Variants in POU3F2 observed in about 807,000 individuals in gnomAD.
POU3F2 encodes POU domain, class 3, transcription factor 2.
Under a neutral mutation model 33.1 loss-of-function variants are expected in POU3F2, and 11 were observed. The ratio of observed to expected loss-of-function variants is 0.33; its 90% confidence interval spans 0.21 to 0.55. The LOEUF is 0.55. Ranked by LOEUF, POU3F2 falls within the 20% of genes least tolerant of loss-of-function variation. The probability of loss-of-function intolerance (pLI) is 0.91; values close to 1 mark genes in which losing one functional copy is unlikely to be tolerated. For missense variants in POU3F2, 456 were observed against 620.2 expected (o/e 0.74, Z 2.81); for synonymous variants, 332 against 289.6 (o/e 1.15, Z -1.49).
rs773185617 is a variant in POU3F2, at chr6:98,835,495, G to A, written c.622G>A (p.Ala208Thr). The change falls in exon 1 of 1, where the codon GCC (alanine) becomes ACC (threonine). Residue 208 changes from alanine to threonine, a missense_variant. This residue lies in a region of POU3F2 where 341 missense variants were observed against 382.4 expected (regional missense o/e 0.89). Coordinates refer to ENST00000328345, the MANE Select transcript of POU3F2 (RefSeq NM_005604.4). This position sits in a 1 kb window ranked among gnomAD's most constrained non-coding sequence, Gnocchi z 9.7. ...NGMLGAGGQP[A>T]GLHHHGLRDA... ...CATGCTGGGCGCCGGCGGGCAGCCGGCCGGTCTGCACCACCACGGCCTGCG... is the reference window on the plus strand; with the variant it reads ...CATGCTGGGCGCCGGCGGGCAGCCGACCGGTCTGCACCACCACGGCCTGCG... The A allele has an allele frequency of 1.3e-6, 2 of 1,563,506 alleles. No individual in the cohort carries two copies. Among genetic ancestry groups the A allele is most frequent in the South Asian group, 2.3e-5 (2 of 86,298 alleles).
chr6:98,835,029 ACACCCGC>A lies in POU3F2; in HGVS notation c.157_163del (p.His53SerfsTer143). 1 of 1,543,406 alleles carries A rather than the reference ACACCCGC, an allele frequency of 6.5e-7. No individual in the cohort carries two copies. Among genetic ancestry groups the A allele is most frequent in the Non-Finnish European group, 8.7e-7 (1 of 1,151,712 alleles). ...ACTACGGCGCTCTGCAGAGCAACGG[ACACCCGC>A]TCAGCCACGCTCACCAGTGGATCAC... On this transcript the variant is annotated frameshift_variant, in exon 1 of 1. Coordinates refer to ENST00000328345, the MANE Select transcript of POU3F2 (RefSeq NM_005604.4). LOFTEE classifies it high-confidence loss of function. This position sits in a 1 kb window ranked among gnomAD's most constrained non-coding sequence, Gnocchi z 9.7.
Position 98,836,435 on chromosome 6 carries a change from G to A in POU3F2, c.*230G>A. On this transcript the variant is annotated 3_prime_UTR_variant, in exon 1 of 1. Coordinates refer to ENST00000328345, the MANE Select transcript of POU3F2 (RefSeq NM_005604.4). ...ATGATGTGTTTTGACCTTTGCAGGC[G>A]AGTAACCAGGCAATGGAGTGGAGTG... 1 of 509,834 alleles carries A rather than the reference G, an allele frequency of 2.0e-6. No individual in the cohort carries two copies. Among genetic ancestry groups the A allele is most frequent in the Non-Finnish European group, 3.4e-6 (1 of 294,818 alleles). The allele number at this position is 509,834 out of a possible 1,614,324, so 31.6% of individuals were successfully genotyped here. A position where few individuals can be genotyped will look rare whatever the true frequency, so the allele number is the denominator to read the frequency against.
chr6:98,834,818 T>C lies in POU3F2; in HGVS notation c.-56T>C, dbSNP rs1769966830. 6.4e-7 allele frequency: 1 copy of C among 1,559,742 alleles called. No individual in the cohort carries two copies. The highest frequency in any genetic ancestry group is 8.7e-7 in the Non-Finnish European group (1 of 1,156,000). On this transcript the variant is annotated 5_prime_UTR_variant, in exon 1 of 1. Transcript: ENST00000328345. ...GGAGAGGGAGCCCGAGGCGAAAAAG[T>C]AACTGTCAAATGCGCGGCTCCTTTA...
Position 98,835,275 on chromosome 6 carries a change from ACAG to A in POU3F2, c.411_413del (p.Gln149del). ...AGCAGCATCAGCAGCAGCAACAGCA[ACAG>A]CAGCAGCAACAGCAGCAACAGCAGC... On this transcript the variant is annotated inframe_deletion, in exon 1 of 1. Transcript: ENST00000328345. The surrounding 1 kb of genome is among the most constrained non-coding windows in gnomAD (Gnocchi z 9.7). 1 of 1,544,902 alleles carries A rather than the reference ACAG, an allele frequency of 6.5e-7. No homozygotes were observed. Among genetic ancestry groups the A allele is most frequent in the African/African-American group, 1.4e-5 (1 of 72,546 alleles).
rs752607175 is a variant in POU3F2, at chr6:98,835,527, G to T, written c.654G>T (p.Ala218=). Residue 218 remains alanine (A), a synonymous_variant, in exon 1 of 1, where the codon GCG becomes GCT. Transcript: ENST00000328345. The surrounding 1 kb of genome is among the most constrained non-coding windows in gnomAD (Gnocchi z 9.7). ...TGCACCACCACGGCCTGCGGGACGC[G>T]CACGACGAGCCACACCATGCCGACC... ...AGLHHHGLRD[A]HDEPHHADHH... The T allele has an allele frequency of 2.6e-6, 4 of 1,565,084 alleles. No individual in the cohort carries two copies. Among genetic ancestry groups the T allele is most frequent in the African/African-American group, 2.7e-5 (2 of 72,822 alleles).
Position 98,834,764 on chromosome 6 carries a change from G to A in POU3F2, c.-110G>A. 8.0e-7 allele frequency: 1 copy of A among 1,249,700 alleles called. No individual in the cohort carries two copies. Among genetic ancestry groups the A allele is most frequent in the Non-Finnish European group, 1.1e-6 (1 of 916,738 alleles). 77.4% of individuals were successfully genotyped at this position (1,249,700 alleles called of 1,614,324 possible). On this transcript the variant is annotated 5_prime_UTR_variant, in exon 1 of 1. Coordinates refer to ENST00000328345, the MANE Select transcript of POU3F2 (RefSeq NM_005604.4). ...CGGGCGTCGGAGCTGCCCGCTGTGGGAGAGAGAGGAGACAGAAAGAGCGAG... is the reference window on the plus strand; with the variant it reads ...CGGGCGTCGGAGCTGCCCGCTGTGGAAGAGAGAGGAGACAGAAAGAGCGAG...
rs1205233928 is a variant in POU3F2 at position 98,835,222 on chromosome 6, G to A, written c.349G>A (p.Glu117Lys). 6 of 1,528,994 alleles carry A rather than the reference G, an allele frequency of 3.9e-6. No individual in the cohort carries two copies. Among genetic ancestry groups the A allele is most frequent in the Non-Finnish European group, 5.3e-6 (6 of 1,139,416 alleles). The allele number at this position is 1,528,994 out of a possible 1,614,324, so 94.7% of individuals were successfully genotyped here. A position where few individuals can be genotyped will look rare whatever the true frequency, so the allele number is the denominator to read the frequency against. Reference protein sequence around the residue: ...VVVQQGGRGDELHGPGALQQQ... With the variant: ...VVVQQGGRGDKLHGPGALQQQ... ...GGTGCAGCAGGGCGGCCGCGGAGAC[G>A]AGCTGCACGGGCCAGGCGCCCTGCA... Residue 117 changes from glutamate (E) to lysine (K), a missense_variant, in exon 1 of 1, where the codon GAG becomes AAG. Physicochemically the swap from Glu to Lys is moderately conservative, Grantham distance 56. Transcript: ENST00000328345. This position sits in a 1 kb window ranked among gnomAD's most constrained non-coding sequence, Gnocchi z 9.7.
Position 98,835,951 on chromosome 6 carries a change from T to C in POU3F2, c.1078T>C (p.Ser360Pro). The C allele has an allele frequency of 1.9e-6, 3 of 1,614,142 alleles. No homozygotes were observed. Among genetic ancestry groups the C allele is most frequent in the Non-Finnish European group, 2.5e-6 (3 of 1,180,034 alleles). Residue 360 changes from serine to proline, a missense_variant, in exon 1 of 1, where the codon TCC (serine) becomes CCC (proline). Coordinates refer to ENST00000328345, the MANE Select transcript of POU3F2 (RefSeq NM_005604.4). The surrounding 1 kb of genome is among the most constrained non-coding windows in gnomAD (Gnocchi z 9.7). Reference sequence around the variant, plus strand: ...AGGGCGCAAGCGGAAAAAGCGGACCTCCATCGAGGTGAGCGTCAAGGGGGC... The same window carrying C: ...AGGGCGCAAGCGGAAAAAGCGGACCCCCATCGAGGTGAGCGTCAAGGGGGC... ...AQGRKRKKRTSIEVSVKGALE... is the reference protein window; with the variant it reads ...AQGRKRKKRTPIEVSVKGALE...
In POU3F2 at chr6:98,835,254, G is replaced by T; in HGVS notation, c.381G>T (p.Gln127His). Residue 127 changes from glutamine (Q) to histidine (H), a missense_variant, in exon 1 of 1, where the codon CAG becomes CAT. By Grantham distance (24) the Gln-to-His change is conservative. Transcript: ENST00000328345. The surrounding 1 kb of genome is among the most constrained non-coding windows in gnomAD (Gnocchi z 9.7). ...ACGGGCCAGGCGCCCTGCAGCAGCA[G>T]CATCAGCAGCAGCAACAGCAACAGC... ...ELHGPGALQQ[Q>H]HQQQQQQQQQ... The T allele has an allele frequency of 6.5e-7, 1 of 1,543,152 alleles. No homozygotes were observed.
chr6:98,835,110 G>T lies in POU3F2; in HGVS notation c.237G>T (p.Gly79=), dbSNP rs1401569322. 7.4e-6 allele frequency: 9 copies of T among 1,209,356 alleles called. No individual in the cohort carries two copies. Among genetic ancestry groups the T allele is most frequent in the Non-Finnish European group, 8.2e-6 (8 of 974,776 alleles). The allele number at this position is 1,209,356 out of a possible 1,614,324, so 74.9% of individuals were successfully genotyped here. A position where few individuals can be genotyped will look rare whatever the true frequency, so the allele number is the denominator to read the frequency against. ...GGGGGGGGGG[G]GGGGGGGGGD... ...GCGGGGGCGGTGGCGGCGGCGGGGGGGGCGGGGGCGGCGGCGGGGGCGGCG... is the reference window on the plus strand; with the variant it reads ...GCGGGGGCGGTGGCGGCGGCGGGGGTGGCGGGGGCGGCGGCGGGGGCGGCG... Residue 79 remains glycine (G), a synonymous_variant, in exon 1 of 1, where the codon GGG becomes GGT. Coordinates refer to ENST00000328345, the MANE Select transcript of POU3F2 (RefSeq NM_005604.4). The surrounding 1 kb of genome is among the most constrained non-coding windows in gnomAD (Gnocchi z 9.7).
chr6:98,836,339 A>C lies in POU3F2; in HGVS notation c.*134A>C. 8.4e-7 allele frequency: 1 copy of C among 1,190,128 alleles called. No homozygotes were observed. The highest frequency in any genetic ancestry group is 1.1e-6 in the Non-Finnish European group (1 of 886,106). The allele number at this position is 1,190,128 out of a possible 1,614,324, so 73.7% of individuals were successfully genotyped here. Reference sequence around the variant, plus strand: ...TAATTATTATTTCCCCGTCCCTTAAAAAGACAAAAAAAATAAGGCAAAAGG... The same window carrying C: ...TAATTATTATTTCCCCGTCCCTTAACAAGACAAAAAAAATAAGGCAAAAGG... On this transcript the variant is annotated 3_prime_UTR_variant, in exon 1 of 1. Transcript: ENST00000328345.
chr6:98,834,618 CAG>C lies in POU3F2; in HGVS notation c.-251_-250del. ...GGAGAGGGGGGAGCGCCGAGCTAGT[CAG>C]AGAGTGAGCGAGAGCGAGAAGGAGG... On this transcript the variant is annotated 5_prime_UTR_variant, in exon 1 of 1. Transcript: ENST00000328345. 1 of 529,152 alleles carries C rather than the reference CAG, an allele frequency of 1.9e-6. No individual in the cohort carries two copies. Among genetic ancestry groups the C allele is most frequent in the Non-Finnish European group, 3.4e-6 (1 of 295,398 alleles). 32.8% of individuals were successfully genotyped at this position (529,152 alleles called of 1,614,324 possible).
Position 98,835,057 on chromosome 6 carries a change from ATCACCGC to A in POU3F2, c.185_191del (p.Ile62SerfsTer134). The A allele has an allele frequency of 7.5e-7, 1 of 1,325,986 alleles. No homozygotes were observed. Among genetic ancestry groups the A allele is most frequent in the Non-Finnish European group, 9.6e-7 (1 of 1,038,866 alleles). The allele number at this position is 1,325,986 out of a possible 1,614,324, so 82.1% of individuals were successfully genotyped here. A position where few individuals can be genotyped will look rare whatever the true frequency, so the allele number is the denominator to read the frequency against. ...CCCGCTCAGCCACGCTCACCAGTGG[ATCACCGC>A]GCTGTCCCACGGCGGCGGCGGCGGG... is the stretch of plus-strand genomic sequence containing the variant. On this transcript the variant is annotated frameshift_variant, in exon 1 of 1. Transcript: ENST00000328345. LOFTEE classifies it high-confidence loss of function. The surrounding 1 kb of genome is among the most constrained non-coding windows in gnomAD (Gnocchi z 9.7).
Position 98,838,627 on chromosome 6 carries a change from G to A in POU3F2, c.*2422G>A, listed in dbSNP as rs1407745822. On this transcript the variant is annotated 3_prime_UTR_variant, in exon 1 of 1. Transcript: ENST00000328345. Reference sequence around the variant, plus strand: ...TTTCTGTAGCTTTAAATGAATAGGTGAGCAAAATCTATATGGGATGTAATT... The same window carrying A: ...TTTCTGTAGCTTTAAATGAATAGGTAAGCAAAATCTATATGGGATGTAATT... 2 of 166,218 alleles carry A rather than the reference G, an allele frequency of 1.2e-5. No homozygotes were observed. Among genetic ancestry groups the A allele is most frequent in the Non-Finnish European group, 2.9e-5 (2 of 68,092 alleles). The allele number at this position is 166,218 out of a possible 1,614,324, so 10.3% of individuals were successfully genotyped here. A position where few individuals can be genotyped will look rare whatever the true frequency, so the allele number is the denominator to read the frequency against.
At position 98,834,976 on chromosome 6, in the gene POU3F2, C is replaced by T. The variant is rs1769969979; in HGVS notation, c.103C>T (p.Arg35Cys). The T allele has an allele frequency of 5.0e-6, 8 of 1,598,880 alleles. No homozygotes were observed. Among genetic ancestry groups the T allele is most frequent in the Non-Finnish European group, 6.8e-6 (8 of 1,178,690 alleles). ...GGMQQGAGGY[R>C]EAQSLVQGDY... is the part of the protein sequence containing the mutation. ...CATGCAGCAGGGCGCGGGGGGCTAC[C>T]GCGAAGCGCAGAGCCTGGTGCAGGG... The change falls in exon 1 of 1, where the codon CGC becomes TGC. Residue 35 changes from arginine to cysteine, a missense_variant. Arg to Cys is a radical substitution (Grantham distance 180, BLOSUM62 -3). This residue lies in a region of POU3F2 where 341 missense variants were observed against 382.4 expected (regional missense o/e 0.89). Coordinates refer to ENST00000328345, the MANE Select transcript of POU3F2 (RefSeq NM_005604.4).
chr6:98,836,064 G>A lies in POU3F2; in HGVS notation c.1191G>A (p.Val397=), dbSNP rs766174330. The change falls in exon 1 of 1, where the codon GTG becomes GTA. Residue 397 remains valine (V), a synonymous_variant. Transcript: ENST00000328345. ...LADSLQLEKE[V]VRVWFCNRRQ... The stretch of plus-strand genomic sequence containing the variant: ...ACAGCTTACAGCTGGAGAAGGAGGT[G>A]GTGAGAGTTTGGTTTTGTAACAGGA... The A allele has an allele frequency of 6.9e-6, 11 of 1,604,184 alleles. No individual in the cohort carries two copies. The highest frequency in any genetic ancestry group is 9.3e-6 in the Non-Finnish European group (11 of 1,177,654).
At position 98,834,832 on chromosome 6, in the gene POU3F2, G is replaced by T. The variant is rs2128367678; in HGVS notation, c.-42G>T. 1 of 1,575,764 alleles carries T rather than the reference G, an allele frequency of 6.3e-7. No homozygotes were observed. The stretch of plus-strand genomic sequence containing the variant: ...AGGCGAAAAAGTAACTGTCAAATGC[G>T]CGGCTCCTTTAACCGGAGCGCTCAG... On this transcript the variant is annotated 5_prime_UTR_variant, in exon 1 of 1. Coordinates refer to ENST00000328345, the MANE Select transcript of POU3F2 (RefSeq NM_005604.4).
At position 98,834,594 on chromosome 6, in the gene POU3F2, G is replaced by A. The variant is rs908288674; in HGVS notation, c.-280G>A. 3 of 476,014 alleles carry A rather than the reference G, an allele frequency of 6.3e-6. No homozygotes were observed. Among genetic ancestry groups the A allele is most frequent in the African/African-American group, 4.1e-5 (2 of 48,916 alleles). 29.5% of individuals were successfully genotyped at this position (476,014 alleles called of 1,614,324 possible). A position where few individuals can be genotyped will look rare whatever the true frequency, so the allele number is the denominator to read the frequency against. ...GCGGGAGAGAGCTGGAGAGAGCAGG[G>A]AGAGGGGGGAGCGCCGAGCTAGTCA... On this transcript the variant is annotated 5_prime_UTR_variant, in exon 1 of 1. Coordinates refer to ENST00000328345, the MANE Select transcript of POU3F2 (RefSeq NM_005604.4).
At position 98,836,167 on chromosome 6, in the gene POU3F2, ACT is replaced by A; in HGVS notation, c.1296_1297del (p.Pro433ThrfsTer40). ...AEDVYGGSRD[T>X]PPHHGVQTPV... Reference sequence around the variant, plus strand: ...GGATGTGTACGGGGGGAGTAGGGACACTCCACCACACCACGGGGTGCAGACGC... The same window carrying A: ...GGATGTGTACGGGGGGAGTAGGGACACCACCACACCACGGGGTGCAGACGC... On this transcript the variant is annotated frameshift_variant, in exon 1 of 1. Coordinates refer to ENST00000328345, the MANE Select transcript of POU3F2 (RefSeq NM_005604.4). LOFTEE classifies it high-confidence loss of function. 1 of 1,588,610 alleles carries A rather than the reference ACT, an allele frequency of 6.3e-7. No homozygotes were observed. Among genetic ancestry groups the A allele is most frequent in the Non-Finnish European group, 8.5e-7 (1 of 1,173,562 alleles).
Sources: gnomAD v4.1 joint callset for allele counts on GRCh38, gnomAD v4.1.1 for gene constraint, gnomAD v4.1.1 regional missense constraint, Gnocchi (gnomAD v3.1) non-coding constraint, MANE v1.5 for transcripts, NCBI Gene and HGNC (gene_info 2026-07-23, HGNC 2026-07-21) for gene names.